The following LYPD6 variants were observed in gnomAD, a reference collection of about 807,000 sequenced individuals.
The protein encoded by LYPD6 is ly6/PLAUR domain-containing protein 6.
Under a neutral mutation model 22.7 loss-of-function variants are expected in LYPD6, and 15 were observed. The observed-to-expected ratio is 0.66, with a 90% CI of 0.44 to 1.02. The LOEUF (loss-of-function observed/expected upper bound fraction) is 1.02, where lower values mean the gene tolerates loss of function less well. Among genes scored for constraint, LYPD6 ranks in the 50% least tolerant of loss-of-function variants. The pLI is 0.00. For missense variants in LYPD6, 189 were observed against 208.4 expected, an observed-to-expected ratio of 0.91 and a Z score of 0.57; for synonymous variants, 72 against 77.5, an observed-to-expected ratio of 0.93 and a Z score of 0.37.
At chr2:149,348,423 T>C (rs1681299679) in intron 1 of LYPD6, among the ~76,000 whole-genome samples, 1 of 152,202 alleles carries the variant, frequency 6.6e-6, no homozygotes, top group African/African-American at 2.4e-5. Flanking sequence ...TACCTTTAAC[T>C]GTGGTTGTCA....
chr2:149,337,125 G>A (rs1283141925), intron 1 of LYPD6, among the ~76,000 whole-genome samples: 3 of 152,236 alleles, frequency 2.0e-5, no homozygotes, highest in Non-Finnish European at 2.9e-5. Context: ...GACTGTAAGC[G>A]CTATGAGGAC....
chr2:149,343,855 C>T (rs1385311178), intron 1 of LYPD6, among the ~76,000 whole-genome samples: 1 of 151,728 alleles, frequency 6.6e-6, no homozygotes, highest in African/African-American at 2.4e-5. Flanking sequence ...AAAGGAGGAC[C>T]TGTAAGGAAA....
chr2:149,394,501 T>C lies in LYPD6; in HGVS notation c.-71-43137T>C, dbSNP rs372689011. 4.6e-5 allele frequency among the ~76,000 whole-genome samples: 7 copies of C among 152,282 alleles called. No homozygotes were observed. The East Asian group carries it at 1.3e-3, about 29-fold the overall frequency. On this transcript the variant is annotated intron_variant, in intron 1 of 4. Coordinates refer to ENST00000334166, the MANE Select transcript of LYPD6 (RefSeq NM_194317.5). ...TAAAACTAAATTTACACCCATACAT[T>C]TATATTTTATAATTTTAGTATTTTT...
At chr2:149,384,894 A>C (rs1256645204) in intron 1 of LYPD6, among the ~76,000 whole-genome samples, 7 of 79,892 alleles carry the variant, frequency 8.8e-5, no homozygotes, top group Admixed American at 1.7e-4. Flanking sequence ...CCCACCCCAC[A>C]ACAGTCCCCA....
At chr2:149,443,192 A>T (rs930396042) in intron 2 of LYPD6, among the ~76,000 whole-genome samples, 1 of 152,188 alleles carries the variant, frequency 6.6e-6, no homozygotes, top group Non-Finnish European at 1.5e-5. Context: ...AAGTAATTCA[A>T]ATTTGTGAAC....
chr2:149,395,754 T>G (rs1242920879), intron 1 of LYPD6, among the ~76,000 whole-genome samples: 1 of 152,224 alleles, frequency 6.6e-6, no homozygotes, highest in Non-Finnish European at 1.5e-5. Flanking sequence ...TGTTTGCAAT[T>G]GATTTTTGAT....
intron 1 of LYPD6, among the ~76,000 whole-genome samples, chr2:149,352,080 A>C (rs17348148): frequency 0.3 from 45,484 of 151,926 alleles, 7,045 homozygotes; most frequent in Middle Eastern, 0.37. Flanking sequence ...TGTAAAACTA[A>C]ATGGAGCTTA....
chr2:149,464,848 T>C (rs1681166507), intron 3 of LYPD6, among the ~76,000 whole-genome samples: 2 of 152,164 alleles, frequency 1.3e-5, no homozygotes, highest in African/African-American at 4.8e-5. Context: ...CTGAGCTGAT[T>C]CCAGATTTCT....
intron 1 of LYPD6, among the ~76,000 whole-genome samples, chr2:149,337,062 A>T (rs1681048782): frequency 1.3e-5 from 2 of 152,138 alleles, no homozygotes; most frequent in Admixed American, 6.6e-5. Context: ...ATTCAAATCC[A>T]TAACTCAGGA....
At chr2:149,481,179 C>G in the LYPD6 span, among the ~76,000 whole-genome samples, 528 of 152,288 alleles carry the variant, frequency 3.5e-3, 3 homozygotes, top group African/African-American at 0.012. Context: ...GGAGTAGACC[C>G]ATAAAATGAG....
intron 3 of LYPD6, among the ~76,000 whole-genome samples, chr2:149,455,040 A>G (rs995409999): frequency 6.6e-6 from 1 of 152,082 alleles, no homozygotes; most frequent in African/African-American, 2.4e-5. Flanking sequence ...CGAGGGGAGA[A>G]CAGGTATAGA....
chr2:149,409,477 G>A (rs1487008308), intron 1 of LYPD6, among the ~76,000 whole-genome samples: 1 of 152,192 alleles, frequency 6.6e-6, no homozygotes, highest in Non-Finnish European at 1.5e-5. Flanking sequence ...AAGCATTCAG[G>A]TTTCTCAGGT....
chr2:149,479,008 C>T (rs987400953), downstream of LYPD6, among the ~76,000 whole-genome samples: 3 of 152,146 alleles, frequency 2.0e-5, no homozygotes, highest in Admixed American at 6.5e-5. Context: ...CTCACTGACC[C>T]GATTTCCTCA....
At chr2:149,371,165 A>G (rs774030815) in intron 1 of LYPD6, among the ~76,000 whole-genome samples, 2 of 152,170 alleles carry the variant, frequency 1.3e-5, no homozygotes, top group Non-Finnish European at 2.9e-5. Context: ...TCTCAGTCTC[A>G]GGTGATTCTT....
chr2:149,482,590 A>G, the LYPD6 span, among the ~76,000 whole-genome samples: 3 of 152,112 alleles, frequency 2.0e-5, no homozygotes, highest in African/African-American at 7.2e-5. Flanking sequence ...GCTCCCATAT[A>G]TCATTCTAGC....
chr2:149,446,142 A>G (rs1006596918), intron 2 of LYPD6, among the ~76,000 whole-genome samples: 8 of 152,192 alleles, frequency 5.3e-5, no homozygotes, highest in Non-Finnish European at 1.0e-4. Flanking sequence ...CAGTCAAAAC[A>G]TACACATTTA....
intron 1 of LYPD6, among the ~76,000 whole-genome samples, chr2:149,384,490 C>T (rs1235994916): frequency 1.3e-5 from 2 of 152,108 alleles, no homozygotes; most frequent in Non-Finnish European, 2.9e-5. Context: ...TGCTTTGTTC[C>T]TGGGCAAAGG....
chr2:149,458,879 A>G (rs1223674565), intron 3 of LYPD6, among the ~76,000 whole-genome samples: 2 of 152,334 alleles, frequency 1.3e-5, no homozygotes, highest in African/African-American at 4.8e-5. Context: ...AATAAAAATT[A>G]TCCAATCTGA....
chr2:149,384,324 C>A (rs1036891140), intron 1 of LYPD6, among the ~76,000 whole-genome samples: 3 of 152,198 alleles, frequency 2.0e-5, no homozygotes, highest in Admixed American at 2.0e-4. Context: ...ATCACAAACT[C>A]CTGGGCATTT....
Sources: allele counts gnomAD v4.1 joint callset (sites outside exome capture counted in the v4.1 genomes callset), GRCh38; gene constraint gnomAD v4.1.1; transcripts MANE v1.5; gene names NCBI Gene and HGNC (gene_info 2026-07-23, HGNC 2026-07-21).